AGBL2: variants seen among roughly 807,000 people sequenced by gnomAD.
AGBL2 encodes the protein AGBL carboxypeptidase 2, also known as cytosolic carboxypeptidase 2.
A neutral mutation model predicts 103.0 loss-of-function variants in AGBL2; 87 were observed. The ratio of observed to expected loss-of-function variants is 0.84; its 90% CI spans 0.71 to 1.01. The LOEUF (loss-of-function observed/expected upper bound fraction) is 1.01, where lower values mean the gene tolerates loss of function less well. AGBL2 is among the 50% of genes least tolerant of loss of function. The probability of loss-of-function intolerance (pLI) is 0.00; values close to 1 mark genes in which losing one functional copy is unlikely to be tolerated. For missense variants in AGBL2, 904 were observed against 1,023.5 expected (o/e 0.88, Z 1.59); for synonymous variants, 335 against 356.7 (o/e 0.94, Z 0.69).
chr11:47,714,686 G>C lies in AGBL2; in HGVS notation c.-36C>G, dbSNP rs750878153. 1.2e-6 allele frequency: 2 copies of C among 1,609,408 alleles called. No individual in the cohort carries two copies. Among genetic ancestry groups the C allele is most frequent in the South Asian group, 2.2e-5 (2 of 90,944 alleles). ...GATGGTAGGCTGAAAACTAGTCAGT[G>C]ACATTAGCATCCAGTCGCAAACCCT... On this transcript the variant is annotated 5_prime_UTR_variant, in exon 2 of 19. The change creates a premature stop within an existing upstream ORF in the 5' untranslated region. Coordinates refer to ENST00000525123, the MANE Select transcript of AGBL2 (RefSeq NM_024783.4).
At position 47,701,816 on chromosome 11, in the gene AGBL2, T is replaced by C. The variant is rs371569128; in HGVS notation, c.587-2263A>G. Reference sequence around the variant, plus strand: ...GGTGAAACCCCGTCTCTACCAAAAATATAAAAAATGAGCAGAGTGTGGTGG... The same window carrying C: ...GGTGAAACCCCGTCTCTACCAAAAACATAAAAAATGAGCAGAGTGTGGTGG... On this transcript the variant is annotated intron_variant, in intron 7 of 18. Transcript: ENST00000525123. 7.3e-5 allele frequency among the ~76,000 whole-genome samples: 11 copies of C among 151,502 alleles called. No homozygotes were observed. In the East Asian group the frequency reaches 1.4e-3, roughly 19 times the overall value.
chr11:47,706,058 A>T lies in AGBL2; in HGVS notation c.233-141T>A, dbSNP rs533837783. ...ATCTAAATCTTTCTCCCATACTTTA[A>T]TGGGGGAAATAAAAGGAAATAAACA... is the stretch of plus-strand genomic sequence containing the variant. On this transcript the variant is annotated intron_variant, in intron 4 of 18. Transcript: ENST00000525123. The T allele has an allele frequency of 1.3e-3, 864 of 684,668 alleles. 7 individuals carry two copies. Among genetic ancestry groups the T allele is most frequent in the South Asian group, 4.7e-3 (279 of 58,974 alleles). 42.4% of individuals were successfully genotyped at this position (684,668 alleles called of 1,614,324 possible). A position where few individuals can be genotyped will look rare whatever the true frequency, so the allele number is the denominator to read the frequency against.
At chr11:47,670,218 G>A (rs981204119) in intron 14 of AGBL2, among the ~76,000 whole-genome samples, 2 of 152,188 alleles carry the variant, frequency 1.3e-5, no homozygotes, top group African/African-American at 4.8e-5. Flanking sequence ...AGAAATCCAG[G>A]ATCCTAACAG....
Position 47,668,846 on chromosome 11 carries a change from C to G in AGBL2, c.2209G>C (p.Asp737His), listed in dbSNP as rs1398297939. The change falls in exon 15 of 19, where the codon GAT (aspartate) becomes CAT (histidine). Residue 737 changes from aspartate to histidine, a missense_variant. Coordinates refer to ENST00000525123, the MANE Select transcript of AGBL2 (RefSeq NM_024783.4). Reference protein sequence around the residue: ...GLPVHLANIADELTQKKKMFK... With the variant: ...GLPVHLANIAHELTQKKKMFK... ...GGTATAAGAGTTCAGCTTACCTCAT[C>G]TGCTATGTTTGCTAGGTGAACAGGA... is the stretch of plus-strand genomic sequence containing the variant. The G allele has an allele frequency of 1.2e-6, 2 of 1,612,770 alleles. No homozygotes were observed. The highest frequency in any genetic ancestry group is 4.5e-5 in the East Asian group (2 of 44,830).
chr11:47,692,104 C>T lies in AGBL2; in HGVS notation c.847G>A (p.Val283Ile), dbSNP rs1454439808. The T allele has an allele frequency of 6.8e-6, 11 of 1,609,886 alleles. 1 individual carries two copies. The highest frequency in any genetic ancestry group is 1.6e-4 in the Middle Eastern group (1 of 6,064). The change falls in exon 9 of 19, where the codon GTA becomes ATA. Residue 283 changes from valine (V) to isoleucine (I), a missense_variant and splice_region_variant. Val to Ile is a conservative substitution (Grantham distance 29, BLOSUM62 3). Transcript: ENST00000525123. Reference sequence around the variant, plus strand: ...TCCCTTTGAGAAATTGTTACTCACACTCTGACAGCTTTTTGCAGATTCCCA... The same window carrying T: ...TCCCTTTGAGAAATTGTTACTCACATTCTGACAGCTTTTTGCAGATTCCCA... ...ESGNLQKAVR[V>I]DTYEYELTLR...
chr11:47,688,542 G>A (rs1211465204), intron 10 of AGBL2, among the ~76,000 whole-genome samples: 1 of 152,076 alleles, frequency 6.6e-6, no homozygotes, highest in African/African-American at 2.4e-5. Flanking sequence ...TCCCCATGAT[G>A]AGTATAATAA....
At chr11:47,701,680 A>G (rs1280588045) in intron 7 of AGBL2, among the ~76,000 whole-genome samples, 1 of 151,606 alleles carries the variant, frequency 6.6e-6, no homozygotes. Context: ...CTATTTAAAA[A>G]TGAGCCAGGT....
At position 47,703,941 on chromosome 11, in the gene AGBL2, CA is replaced by C. The variant is rs368298009; in HGVS notation, c.586+601del. Among the ~76,000 whole-genome samples, 57 of 115,540 alleles carry C rather than the reference CA, an allele frequency of 4.9e-4. No individual in the cohort carries two copies. In the East Asian group the frequency reaches 7.1e-3, roughly 14 times the overall value. The allele number at this position is 115,540 out of a possible 152,430, so 75.8% of individuals were successfully genotyped here. On this transcript the variant is annotated intron_variant, in intron 7 of 18. Transcript: ENST00000525123. ...AGTCAGTCTCAAAAAAAAAAAAAAACAAAAAAAAAACTAGCCAGGCGTGGTG... is the reference window on the plus strand; with the variant it reads ...AGTCAGTCTCAAAAAAAAAAAAAAACAAAAAAAAACTAGCCAGGCGTGGTG...
intron 7 of AGBL2, among the ~76,000 whole-genome samples, chr11:47,700,118 C>T (rs1055578414): frequency 2.6e-5 from 4 of 151,962 alleles, no homozygotes; most frequent in Non-Finnish European, 5.9e-5. Context: ...CCACCACTCC[C>T]GGCTAATTTT....
At chr11:47,668,691 CAA>C in intron 15 of AGBL2, 148 bp downstream of exon 15, 1 of 567,170 alleles carries the variant, frequency 1.8e-6, no homozygotes, top group South Asian at 2.4e-5. Flanking sequence ...AAGGACAAAA[CAA>C]GAGACTTTAG....
In AGBL2 at chr11:47,687,140, AAT is replaced by A. The variant is rs1491411397; in HGVS notation, c.1632-1093_1632-1092del. ...ACTTAAAGTATAATAATAATAAAAA[AAT>A]AAATAAATAAATAATAAAAAAAAAT... On this transcript the variant is annotated intron_variant, in intron 10 of 18. Transcript: ENST00000525123. 2.7e-3 allele frequency among the ~76,000 whole-genome samples: 350 copies of A among 128,716 alleles called. 6 individuals carry two copies. The South Asian group carries it at 0.057, about 21-fold the overall frequency. The allele number at this position is 128,716 out of a possible 152,430, so 84.4% of individuals were successfully genotyped here.
intron 13 of AGBL2, 75 bp from the exon 14 acceptor site, chr11:47,677,476 G>A (rs1565024447): frequency 1.2e-5 from 12 of 997,088 alleles, no homozygotes; most frequent in South Asian, 6.7e-5. Context: ...TTTTTGAGAC[G>A]GAGTTTGACT....
At chr11:47,693,956 G>A (rs988192035) in intron 8 of AGBL2, among the ~76,000 whole-genome samples, 2 of 152,140 alleles carry the variant, frequency 1.3e-5, no homozygotes, top group Admixed American at 6.6e-5. Flanking sequence ...TTGGGAGGCT[G>A]AAGTGAGAGG....
intron 3 of AGBL2, among the ~76,000 whole-genome samples, chr11:47,712,173 A>C (rs775859522): frequency 2.0e-5 from 3 of 152,168 alleles, no homozygotes; most frequent in Admixed American, 1.3e-4. Context: ...AAAGGCATTA[A>C]ATTTGTGGGT....
chr11:47,681,876 A>G, intron 12 of AGBL2, 93 bp downstream of exon 12: 1 of 1,454,998 alleles, frequency 6.9e-7, no homozygotes, highest in Non-Finnish European at 9.4e-7. Context: ...TAGATCAGTT[A>G]TCTCCCCAGC....
intron 15 of AGBL2, 142 bp from the exon 16 acceptor site, chr11:47,667,838 C>G: frequency 1.1e-6 from 1 of 900,654 alleles, no homozygotes; most frequent in East Asian, 2.5e-5. Flanking sequence ...AATAAACAAA[C>G]AGTTCAGTTC....
At chr11:47,704,203 C>T (rs757380467) in intron 7 of AGBL2, among the ~76,000 whole-genome samples, 17 of 151,858 alleles carry the variant, frequency 1.1e-4, no homozygotes, top group Non-Finnish European at 1.8e-4. Flanking sequence ...GGCAGAAGGC[C>T]GGGCTTGGTG....
At chr11:47,684,490 A>T (rs1021873845) in intron 11 of AGBL2, among the ~76,000 whole-genome samples, 12 of 151,178 alleles carry the variant, frequency 7.9e-5, no homozygotes, top group African/African-American at 2.9e-4. Flanking sequence ...TGGGAGATGG[A>T]GGTTGCAGTG....
intron 13 of AGBL2, among the ~76,000 whole-genome samples, chr11:47,679,038 G>A (rs372585650): frequency 8.7e-6 from 1 of 114,558 alleles, no homozygotes; most frequent in African/African-American, 3.7e-5. Flanking sequence ...CAGCCTGGGC[G>A]ACAGATGGAG....
Sources: gnomAD v4.1 joint callset for allele counts (sites outside exome capture counted in the v4.1 genomes callset) on GRCh38, gnomAD v4.1.1 for gene constraint, MANE v1.5 for transcripts, NCBI Gene and HGNC (gene_info 2026-07-23, HGNC 2026-07-21) for gene names.